The following PTPN13 variants were observed in gnomAD, a reference collection of about 807,000 sequenced individuals.
The protein encoded by PTPN13 is tyrosine-protein phosphatase non-receptor type 13.
In PTPN13, 191 loss-of-function variants were observed where a neutral mutation model predicts 284.0. The observed-to-expected ratio is 0.67, with a 90% CI of 0.60 to 0.76. PTPN13 has a LOEUF of 0.76. Ranked by LOEUF, PTPN13 falls within the 30% of genes least tolerant of loss-of-function variation. The pLI, the probability that PTPN13 is intolerant of heterozygous loss-of-function variation, is 0.00. For missense variants in PTPN13, 2,797 were observed against 2,939.9 expected, an observed-to-expected ratio of 0.95 and a Z score of 1.12; for synonymous variants, 986 against 1,022.3, an observed-to-expected ratio of 0.96 and a Z score of 0.68.
chr4:86,804,458 A>G (rs1425532240), intron 43 of PTPN13, among the ~76,000 whole-genome samples: 1 of 152,166 alleles, frequency 6.6e-6, no homozygotes, highest in Non-Finnish European at 1.5e-5. Flanking sequence ...CTTTGTATAT[A>G]TTCCTCAAAA....
intron 23 of PTPN13, among the ~76,000 whole-genome samples, chr4:86,761,170 A>ATATATATATATATAT (rs60263343): frequency 1.9e-4 from 28 of 144,238 alleles, no homozygotes; most frequent in African/African-American, 2.8e-4. Flanking sequence ...ATATATATAT[A>ATATATATATATATAT]AACACAACAC....
intron 15 of PTPN13, among the ~76,000 whole-genome samples, chr4:86,736,630 C>T (rs891206679): frequency 3.9e-5 from 6 of 152,090 alleles, no homozygotes; most frequent in African/African-American, 1.4e-4. Flanking sequence ...TTAGTTATTA[C>T]ATTTTTATAC....
rs1000226646 is a variant in PTPN13, at chr4:86,694,579, CAA to C, written c.634+929_634+930del. On this transcript the variant is annotated intron_variant, in intron 6 of 47. Coordinates refer to ENST00000411767, the MANE Select transcript of PTPN13 (RefSeq NM_080683.3). The stretch of plus-strand genomic sequence containing the variant: ...GGCAACAAAGAGTGAACTTCTGTCT[CAA>C]AAAAAAAAAAAAAAAAAAAAAAAGA... Among the ~76,000 whole-genome samples, 165 of 32,302 alleles carry C rather than the reference CAA, an allele frequency of 5.1e-3. 1 individual carries two copies. Among genetic ancestry groups the C allele is most frequent in the Middle Eastern group, 0.019 (1 of 52 alleles). The allele number at this position is 32,302 out of a possible 152,430, so 21.2% of individuals were successfully genotyped here. A position where few individuals can be genotyped will look rare whatever the true frequency, so the allele number is the denominator to read the frequency against.
At chr4:86,743,167 T>C (rs1736345195) in intron 16 of PTPN13, among the ~76,000 whole-genome samples, 1 of 152,154 alleles carries the variant, frequency 6.6e-6, no homozygotes, top group South Asian at 2.1e-4. Flanking sequence ...CCATTAACAC[T>C]TGGAGAGAAT....
intron 7 of PTPN13, among the ~76,000 whole-genome samples, chr4:86,706,206 C>T (rs1731748638): frequency 6.6e-6 from 1 of 152,118 alleles, no homozygotes; most frequent in Non-Finnish European, 1.5e-5. Flanking sequence ...ATACATAATT[C>T]ATAATTCATA....
Position 86,769,981 on chromosome 4 carries a change from C to T in PTPN13, c.4702C>T (p.Gln1568Ter). The change falls in exon 29 of 48, where the codon CAG becomes TAG. Residue 1568 changes from glutamine to a stop codon, truncating the protein, a stop_gained and splice_region_variant. Coordinates refer to ENST00000411767, the MANE Select transcript of PTPN13 (RefSeq NM_080683.3). LOFTEE classifies it high-confidence loss of function. The stretch of plus-strand genomic sequence containing the variant: ...AGCCTCTTTGAAAGGACTATCTCAG[C>T]AGGTGAGCCCCTAGCATGTGGAGTA... ...NGASLKGLSQ[Q>*]EVISALRGTA... The T allele has an allele frequency of 6.2e-7, 1 of 1,613,770 alleles. No individual in the cohort carries two copies. Among genetic ancestry groups the T allele is most frequent in the Non-Finnish European group, 8.5e-7 (1 of 1,179,748 alleles).
At chr4:86,662,617 A>C (rs1286677823) in intron 2 of PTPN13, among the ~76,000 whole-genome samples, 3 of 152,218 alleles carry the variant, frequency 2.0e-5, no homozygotes, top group Non-Finnish European at 2.9e-5. Flanking sequence ...GGCATGAGCC[A>C]CCGTGCCCAG....
Position 86,803,799 on chromosome 4 carries a change from C to T in PTPN13, c.6596C>T (p.Ser2199Leu). ...SGKYTGANLK[S>L]VIRVLRGLLD... ...AAATACACGGGTGCCAACTTAAAAT[C>T]AGTCATTCGAGTCCTGCGGGGTTTG... is the stretch of plus-strand genomic sequence containing the variant. Residue 2199 changes from serine (S) to leucine (L), a missense_variant, in exon 43 of 48, where the codon TCA becomes TTA. Ser to Leu is a moderately radical substitution (Grantham distance 145). Transcript: ENST00000411767. The T allele has an allele frequency of 6.2e-7, 1 of 1,613,940 alleles. No homozygotes were observed. The highest frequency in any genetic ancestry group is 2.2e-5 in the East Asian group (1 of 44,880).
rs57773658 is a variant in PTPN13, at chr4:86,728,643, C to CTTTTTTTTTTTT, written c.1609-3734_1609-3723dup. Among the ~76,000 whole-genome samples the CTTTTTTTTTTTT allele has an allele frequency of 1.6e-4, 4 of 24,502 alleles. 1 individual carries two copies. Among genetic ancestry groups the CTTTTTTTTTTTT allele is most frequent in the African/African-American group, 3.0e-4 (2 of 6,666 alleles). 16.1% of individuals were successfully genotyped at this position (24,502 alleles called of 152,430 possible). A position where few individuals can be genotyped will look rare whatever the true frequency, so the allele number is the denominator to read the frequency against. ...CAGAGACTAGGATTGCAACCCCTGC[C>CTTTTTTTTTTTT]TTTTTTTTTTTTTTTTTTTTTTTTT... On this transcript the variant is annotated intron_variant, in intron 10 of 47. Transcript: ENST00000411767.
intron 3 of PTPN13, among the ~76,000 whole-genome samples, chr4:86,673,981 A>G (rs1727993129): frequency 6.6e-6 from 1 of 152,176 alleles, no homozygotes; most frequent in Admixed American, 6.5e-5. Context: ...TGCTGGGATT[A>G]CAAGTGTGAG....
intron 23 of PTPN13, among the ~76,000 whole-genome samples, chr4:86,759,879 T>C (rs956777721): frequency 2.6e-5 from 4 of 152,210 alleles, no homozygotes; most frequent in African/African-American, 9.7e-5. Flanking sequence ...GTCATTAATA[T>C]TGTTTTTCAA....
At position 86,718,065 on chromosome 4, in the gene PTPN13, G is replaced by A. The variant is rs138199893; in HGVS notation, c.1385+948G>A. Among the ~76,000 whole-genome samples, 239 of 152,294 alleles carry A rather than the reference G, an allele frequency of 1.6e-3. 3 individuals carry two copies. Among genetic ancestry groups the A allele is most frequent in the African/African-American group, 5.5e-3 (230 of 41,566 alleles). On this transcript the variant is annotated intron_variant, in intron 9 of 47. Transcript: ENST00000411767. ...ATTTATGTTGTTTAAACTGAAAGGT[G>A]TCAAGTCAATAGTGATGTGTGTCTT... is the stretch of plus-strand genomic sequence containing the variant.
At chr4:86,812,272 T>C (rs1329382688) in intron 47 of PTPN13, among the ~76,000 whole-genome samples, 1 of 127,730 alleles carries the variant, frequency 7.8e-6, no homozygotes, top group Non-Finnish European at 1.5e-5. Context: ...ATCCCGCCAC[T>C]GCACTCCAGC....
chr4:86,663,660 G>T (rs1444163012), intron 2 of PTPN13, among the ~76,000 whole-genome samples: 1 of 152,148 alleles, frequency 6.6e-6, no homozygotes, highest in Non-Finnish European at 1.5e-5. Flanking sequence ...ATTTCTAAAT[G>T]TCAGTGGCAG....
In PTPN13 at chr4:86,693,580, T is replaced by C. The variant is rs201389133; in HGVS notation, c.547-7T>C. On this transcript the variant is annotated splice_region_variant and splice_polypyrimidine_tract_variant and intron_variant, in intron 5 of 47. Coordinates refer to ENST00000411767, the MANE Select transcript of PTPN13 (RefSeq NM_080683.3). ...GTCAAACTTGATTTTTTATTACCTG[T>C]GTACAGACAGATCAGCTTTCCTGTA... The C allele has an allele frequency of 8.6e-5, 133 of 1,537,898 alleles. No homozygotes were observed. The highest frequency in any genetic ancestry group is 1.7e-4 in the Middle Eastern group (1 of 5,918).
chr4:86,655,400 T>G (rs1156563559), intron 2 of PTPN13, among the ~76,000 whole-genome samples: 2 of 152,238 alleles, frequency 1.3e-5, no homozygotes, highest in African/African-American at 4.8e-5. Flanking sequence ...TTTCCATGTT[T>G]AGTGCTTCTT....
intron 44 of PTPN13, among the ~76,000 whole-genome samples, chr4:86,806,937 A>C (rs985197110): frequency 6.6e-6 from 1 of 152,174 alleles, no homozygotes; most frequent in African/African-American, 2.4e-5. Flanking sequence ...CATTTTGACT[A>C]TATGAAATTA....
intron 2 of PTPN13, among the ~76,000 whole-genome samples, chr4:86,663,383 C>T (rs75953597): frequency 6.6e-6 from 1 of 152,288 alleles, no homozygotes; most frequent in East Asian, 1.9e-4. Context: ...AAAGTGTGAT[C>T]TAATGGTAAT....
intron 10 of PTPN13, among the ~76,000 whole-genome samples, chr4:86,730,352 G>A (rs1178387367): frequency 6.7e-6 from 1 of 149,786 alleles, no homozygotes; most frequent in Non-Finnish European, 1.5e-5. Flanking sequence ...TGTCAGACAG[G>A]GACATTTAAG....
Sources: gnomAD v4.1 joint callset for allele counts (sites outside exome capture counted in the v4.1 genomes callset) on GRCh38, gnomAD v4.1.1 for gene constraint, MANE v1.5 for transcripts, NCBI Gene and HGNC (gene_info 2026-07-23, HGNC 2026-07-21) for gene names.